Variants in ATRNL1 observed in about 807,000 individuals in gnomAD.
ATRNL1 encodes the protein attractin like 1.
In ATRNL1, 95 loss-of-function variants were observed where a neutral mutation model predicts 182.7. That is an observed-to-expected ratio of 0.52 (90% CI 0.44 to 0.62). The LOEUF (loss-of-function observed/expected upper bound fraction) is 0.62, where lower values mean the gene tolerates loss of function less well. Ranked by LOEUF, ATRNL1 falls within the 20% of genes least tolerant of loss-of-function variation. The pLI is 0.00. For synonymous variants in ATRNL1, 576 were observed against 568.3 expected (o/e 1.01, Z -0.19); for missense variants, 1,471 against 1,679.5 (o/e 0.88, Z 2.17).
intron 21 of ATRNL1, among the ~76,000 whole-genome samples, chr10:115,437,619 C>A (rs1382491576): frequency 6.6e-6 from 1 of 151,906 alleles, no homozygotes; most frequent in African/African-American, 2.4e-5. Context: ...TTTTTGGACT[C>A]TCGATATTGT....
At chr10:115,904,626 T>G (rs1555114159) in intron 28 of ATRNL1, among the ~76,000 whole-genome samples, 1 of 152,166 alleles carries the variant, frequency 6.6e-6, no homozygotes, top group South Asian at 2.1e-4. Flanking sequence ...CATTTCAAAT[T>G]ATATATAGTC....
chr10:115,231,965 C>T (rs1484562320), intron 9 of ATRNL1, among the ~76,000 whole-genome samples: 2 of 152,060 alleles, frequency 1.3e-5, no homozygotes, highest in African/African-American at 2.4e-5. Context: ...AGAATTTTCC[C>T]ATGTGAGAGA....
intron 1 of ATRNL1, chr10:115,096,778 TTC>T (rs1554863258): frequency 8.0e-7 from 1 of 1,248,368 alleles, no homozygotes; most frequent in Non-Finnish European, 1.0e-6. Context: ...GATTCCAGTC[TTC>T]TGTTTCCATT....
chr10:115,830,358 ACCT>A (rs1482480724), intron 27 of ATRNL1, among the ~76,000 whole-genome samples: 1 of 152,128 alleles, frequency 6.6e-6, no homozygotes, highest in Non-Finnish European at 1.5e-5. Flanking sequence ...AGCAAGATCA[ACCT>A]CCTCATTATG....
intron 26 of ATRNL1, among the ~76,000 whole-genome samples, chr10:115,560,436 A>G (rs1252748448): frequency 1.3e-5 from 2 of 152,174 alleles, no homozygotes; most frequent in Non-Finnish European, 2.9e-5. Context: ...GGGAGCTACA[A>G]TGCAAGATGA....
chr10:115,167,819 C>G (rs957733165), intron 7 of ATRNL1, among the ~76,000 whole-genome samples: 1 of 151,880 alleles, frequency 6.6e-6, no homozygotes, highest in African/African-American at 2.4e-5. Flanking sequence ...AATTGATATA[C>G]CATACATTTC....
intron 6 of ATRNL1, among the ~76,000 whole-genome samples, chr10:115,164,105 T>G (rs1171688728): frequency 2.6e-5 from 4 of 152,174 alleles, no homozygotes; most frequent in African/African-American, 9.6e-5. Flanking sequence ...TGCTTCCTTT[T>G]GTATATTTTA....
chr10:115,373,657 A>C (rs916813506), intron 19 of ATRNL1, among the ~76,000 whole-genome samples: 1 of 152,018 alleles, frequency 6.6e-6, no homozygotes, highest in African/African-American at 2.4e-5. Flanking sequence ...AGTATATAAC[A>C]GTTGTTGATC....
At chr10:115,189,849 C>T (rs1235779463) in intron 8 of ATRNL1, among the ~76,000 whole-genome samples, 4 of 151,984 alleles carry the variant, frequency 2.6e-5, no homozygotes, top group African/African-American at 9.7e-5. Context: ...CACCACTTAC[C>T]CACTGACTCA....
At chr10:115,417,020 TAGG>T (rs1845421909) in intron 20 of ATRNL1, among the ~76,000 whole-genome samples, 1 of 152,096 alleles carries the variant, frequency 6.6e-6, no homozygotes, top group South Asian at 2.1e-4. Context: ...AGGAGTCAGG[TAGG>T]AGGGTGTGAA....
intron 19 of ATRNL1, among the ~76,000 whole-genome samples, chr10:115,339,943 T>C (rs1855661992): frequency 1.3e-5 from 2 of 152,344 alleles, no homozygotes; most frequent in Middle Eastern, 3.4e-3. Context: ...GCGTTTTCAC[T>C]GTCAATTGAA....
At chr10:115,828,572 G>T (rs1462372214) in intron 27 of ATRNL1, among the ~76,000 whole-genome samples, 1 of 152,210 alleles carries the variant, frequency 6.6e-6, no homozygotes, top group African/African-American at 2.4e-5. Context: ...CAGCATGGTG[G>T]TAGTTGTCTA....
rs550734202 is a variant in ATRNL1 at position 115,894,065 on chromosome 10, A to T, written c.4018+46074A>T. Reference sequence around the variant, plus strand: ...TCAGTAAGACTTCAGTTGGCAAGGAAGCCCTGAGCTGACTCCTGGGCCACA... The same window carrying T: ...TCAGTAAGACTTCAGTTGGCAAGGATGCCCTGAGCTGACTCCTGGGCCACA... On this transcript the variant is annotated intron_variant, in intron 28 of 28. Transcript: ENST00000355044. Among the ~76,000 whole-genome samples, 48 of 152,308 alleles carry T rather than the reference A, an allele frequency of 3.2e-4. No individual in the cohort carries two copies. The Middle Eastern group carries it at 0.01, about 32-fold the overall frequency.
intron 27 of ATRNL1, among the ~76,000 whole-genome samples, chr10:115,797,928 CT>C (rs782761716): frequency 6.6e-6 from 1 of 150,728 alleles, no homozygotes; most frequent in African/African-American, 2.4e-5. Flanking sequence ...CTTTTTTTTT[CT>C]TTTTTTGAGA....
chr10:115,429,289 A>T (rs1408811956), intron 21 of ATRNL1, among the ~76,000 whole-genome samples: 1 of 152,124 alleles, frequency 6.6e-6, no homozygotes, highest in Non-Finnish European at 1.5e-5. Context: ...GTGAACGCTT[A>T]CTAAATTCTG....
chr10:115,351,623 TCTTA>T (rs1261487164), intron 19 of ATRNL1, among the ~76,000 whole-genome samples: 3 of 152,326 alleles, frequency 2.0e-5, no homozygotes, highest in Admixed American at 1.3e-4. Flanking sequence ...CTGAGATGAA[TCTTA>T]CTTCATTACG....
intron 26 of ATRNL1, among the ~76,000 whole-genome samples, chr10:115,581,895 T>G (rs12766610): frequency 1.4e-5 from 1 of 70,108 alleles, no homozygotes; most frequent in Non-Finnish European, 2.6e-5. Context: ...CCCTCCCCCC[T>G]CCCCCCACCC....
rs546280081 is a variant in ATRNL1, at chr10:115,271,526, C to G, written c.2100+3082C>G. Among the ~76,000 whole-genome samples, 10 of 151,966 alleles carry G rather than the reference C, an allele frequency of 6.6e-5. No homozygotes were observed. The South Asian group carries it at 8.3e-4, about 13-fold the overall frequency. Reference sequence around the variant, plus strand: ...AGCCATCCCGTTACTGGATATATACCCAAAGGATTGTAAATCATGCTGCTA... The same window carrying G: ...AGCCATCCCGTTACTGGATATATACGCAAAGGATTGTAAATCATGCTGCTA... On this transcript the variant is annotated intron_variant, in intron 13 of 28. Transcript: ENST00000355044.
chr10:115,359,784 G>A (rs1434462999), intron 19 of ATRNL1, among the ~76,000 whole-genome samples: 2 of 151,420 alleles, frequency 1.3e-5, no homozygotes, highest in Non-Finnish European at 3.0e-5. Context: ...ACTTTTCAGA[G>A]CTTAACTATC....
Sources: gnomAD v4.1 joint callset for allele counts (sites outside exome capture counted in the v4.1 genomes callset) on GRCh38, gnomAD v4.1.1 for gene constraint, MANE v1.5 for transcripts, NCBI Gene and HGNC (gene_info 2026-07-23, HGNC 2026-07-21) for gene names.